The following FGF12 variants were observed in gnomAD, a reference collection of about 807,000 sequenced individuals.
FGF12 encodes the protein fibroblast growth factor 12, also known as fibroblast growth factor 12B.
A neutral mutation model predicts 23.6 loss-of-function variants in FGF12; 14 were observed. That is an observed-to-expected ratio of 0.59 (90% CI 0.39 to 0.93). The LOEUF is 0.93. Among genes scored for constraint, FGF12 ranks in the 40% least tolerant of loss-of-function variants. FGF12 has a pLI of 0.00. For synonymous variants in FGF12, 62 were observed against 77.3 expected (o/e 0.80, Z 1.04); for missense variants, 175 against 217.8 (o/e 0.80, Z 1.24).
At chr3:192,147,449 T>C (rs1713786603) in intron 5 of FGF12, among the ~76,000 whole-genome samples, 1 of 152,158 alleles carries the variant, frequency 6.6e-6, no homozygotes, top group African/African-American at 2.4e-5. Context: ...TGAATGTACA[T>C]GGTAAATAAT....
At chr3:192,165,482 T>G (rs1715113378) in intron 5 of FGF12, among the ~76,000 whole-genome samples, 1 of 151,872 alleles carries the variant, frequency 6.6e-6, no homozygotes, top group African/African-American at 2.4e-5. Flanking sequence ...CCACACAATG[T>G]CATTGCCAAA....
chr3:192,154,952 T>C (rs1355822554), intron 5 of FGF12, among the ~76,000 whole-genome samples: 5 of 132,916 alleles, frequency 3.8e-5, no homozygotes, highest in East Asian at 2.2e-4. Flanking sequence ...ACTGCTGTGC[T>C]AGCAATCAGC....
intron 2 of FGF12, among the ~76,000 whole-genome samples, chr3:192,525,839 G>A (rs1195027768): frequency 5.3e-5 from 8 of 152,076 alleles, no homozygotes; most frequent in Admixed American, 3.3e-4. Context: ...CAGTGGCACC[G>A]TCTTGGCTCA....
At chr3:192,350,923 C>A (rs1226806113) in intron 3 of FGF12, among the ~76,000 whole-genome samples, 1 of 151,994 alleles carries the variant, frequency 6.6e-6, no homozygotes, top group Non-Finnish European at 1.5e-5. Context: ...GTAAAGAGAC[C>A]AGTTAGAGAG....
intron 2 of FGF12, among the ~76,000 whole-genome samples, chr3:192,656,428 T>G (rs912138381): frequency 5.3e-5 from 8 of 152,118 alleles, no homozygotes; most frequent in Non-Finnish European, 8.8e-5. Context: ...TATTTAAAAC[T>G]TCATGCTCCA....
At chr3:192,463,312 T>C (rs1344657138) in intron 2 of FGF12, among the ~76,000 whole-genome samples, 1 of 151,730 alleles carries the variant, frequency 6.6e-6, no homozygotes, top group South Asian at 2.1e-4. Flanking sequence ...CCCAGCTGCT[T>C]GGGAGGCTGA....
chr3:192,329,267 T>C (rs1430995972), intron 4 of FGF12, among the ~76,000 whole-genome samples: 2 of 152,164 alleles, frequency 1.3e-5, no homozygotes, highest in African/African-American at 2.4e-5. Context: ...AGGTGACATA[T>C]CAGGTAAGAT....
At chr3:192,623,837 GC>G (rs1334151430) in intron 2 of FGF12, among the ~76,000 whole-genome samples, 1 of 152,098 alleles carries the variant, frequency 6.6e-6, no homozygotes, top group African/African-American at 2.4e-5. Context: ...TCAGAGCTGA[GC>G]CCTTCTTTGA....
At chr3:192,326,050 C>T (rs1174189634) in intron 4 of FGF12, among the ~76,000 whole-genome samples, 1 of 152,096 alleles carries the variant, frequency 6.6e-6, no homozygotes, top group African/African-American at 2.4e-5. Flanking sequence ...TGTATGATGC[C>T]TCTATCAACC....
At chr3:192,355,250 A>T (rs146636736) in intron 3 of FGF12, among the ~76,000 whole-genome samples, 2 of 152,352 alleles carry the variant, frequency 1.3e-5, no homozygotes, top group African/African-American at 4.8e-5. Context: ...AATACCTAAT[A>T]GGAAATTAAG....
intron 2 of FGF12, among the ~76,000 whole-genome samples, chr3:192,457,859 C>T (rs1003896087): frequency 6.6e-6 from 1 of 152,240 alleles, no homozygotes; most frequent in African/African-American, 2.4e-5. Flanking sequence ...CCTCTCATCA[C>T]AGGCCTGGAG....
intron 2 of FGF12, among the ~76,000 whole-genome samples, chr3:192,371,684 T>G (rs758158825): frequency 6.6e-6 from 1 of 152,218 alleles, no homozygotes; most frequent in Non-Finnish European, 1.5e-5. Flanking sequence ...AGGCACTTTA[T>G]GTGGATTATC....
At chr3:192,538,958 T>C (rs539104767) in intron 2 of FGF12, among the ~76,000 whole-genome samples, 2 of 152,340 alleles carry the variant, frequency 1.3e-5, no homozygotes, top group East Asian at 1.9e-4. Flanking sequence ...TGTTGGCATA[T>C]AGAAATGTTA....
At chr3:192,189,733 G>A (rs528213887) in intron 4 of FGF12, among the ~76,000 whole-genome samples, 46 of 152,256 alleles carry the variant, frequency 3.0e-4, no homozygotes, top group African/African-American at 1.0e-3. Context: ...AACCAACCCT[G>A]CCACTTTGAC....
chr3:192,219,484 T>C (rs1718365251), intron 4 of FGF12, among the ~76,000 whole-genome samples: 1 of 152,158 alleles, frequency 6.6e-6, no homozygotes, highest in South Asian at 2.1e-4. Flanking sequence ...CCCCCAGAAA[T>C]ATTTTAATAT....
intron 2 of FGF12, among the ~76,000 whole-genome samples, chr3:192,573,365 T>C (rs1170737365): frequency 6.6e-6 from 1 of 152,188 alleles, no homozygotes; most frequent in East Asian, 1.9e-4. Flanking sequence ...ACGTTGTTTT[T>C]GGATGAGATT....
chr3:192,223,525 C>T (rs1718577280), intron 4 of FGF12, among the ~76,000 whole-genome samples: 1 of 152,068 alleles, frequency 6.6e-6, no homozygotes, highest in African/African-American at 2.4e-5. Flanking sequence ...AATGTTATGC[C>T]TTTTTAGCAT....
intron 2 of FGF12, among the ~76,000 whole-genome samples, chr3:192,538,820 C>T (rs1725296747): frequency 6.6e-6 from 1 of 152,068 alleles, no homozygotes; most frequent in African/African-American, 2.4e-5. Context: ...TTTCTTGCAT[C>T]AATGTTTTAT....
At chr3:192,198,030 CT>C (rs1717168093) in intron 4 of FGF12, among the ~76,000 whole-genome samples, 1 of 146,060 alleles carries the variant, frequency 6.8e-6, no homozygotes, top group Admixed American at 6.9e-5. Context: ...TTAACTTCTT[CT>C]CTCACAATAT....
Sources: gnomAD v4.1 joint callset for allele counts (sites outside exome capture counted in the v4.1 genomes callset) on GRCh38, gnomAD v4.1.1 for gene constraint, MANE v1.5 for transcripts, NCBI Gene and HGNC (gene_info 2026-07-23, HGNC 2026-07-21) for gene names.